CUBN: variants seen among roughly 807,000 people sequenced by gnomAD.
CUBN encodes cubilin, also known as 460 kDa receptor.
A neutral mutation model predicts 405.3 loss-of-function variants in CUBN; 282 were observed. The ratio of observed to expected loss-of-function variants is 0.70; its 90% CI spans 0.63 to 0.77. The LOEUF is 0.77. Ranked by LOEUF, CUBN falls within the 30% of genes least tolerant of loss-of-function variation. CUBN has a pLI of 0.00. For synonymous variants in CUBN, 1,684 were observed against 1,617.0 expected (o/e 1.04, Z -0.99); for missense variants, 4,514 against 4,475.2 (o/e 1.01, Z -0.25).
Position 16,969,863 on chromosome 10 carries a change from C to T in CUBN, c.4695+12621G>A, listed in dbSNP as rs138960520. On this transcript the variant is annotated intron_variant, in intron 31 of 66. Transcript: ENST00000377833. ...TTGTAACCCAGAGATCATGTGAAGC[C>T]TGGTGGCTGCCTGAGGTTGACTTCA... is the stretch of plus-strand genomic sequence containing the variant. Among the ~76,000 whole-genome samples, 641 of 152,270 alleles carry T rather than the reference C, an allele frequency of 4.2e-3. 5 individuals carry two copies. The highest frequency in any genetic ancestry group is 0.015 in the African/African-American group (611 of 41,556).
chr10:16,892,568 C>A (rs892588022), intron 54 of CUBN, among the ~76,000 whole-genome samples: 2 of 152,008 alleles, frequency 1.3e-5, no homozygotes, highest in Non-Finnish European at 2.9e-5. Flanking sequence ...CACAGCTCAC[C>A]GCAGCCTCGA....
Position 16,948,576 on chromosome 10 carries a change from G to A in CUBN, c.5111C>T (p.Pro1704Leu). ...CAGGGCGCTGCTGAAGGATGTGATA[G>A]GATGGGGCATGTCGGTGCCACAGTA... ...GRYCGTDMPH[P>L]ITSFSSALTL... is the part of the protein sequence containing the mutation. Residue 1704 changes from proline (P) to leucine (L), a missense_variant, in exon 35 of 67, where the codon CCT (proline) becomes CTT (leucine). Around this residue, in one of 5 missense-constraint regions of CUBN, gnomAD observed 1,613 missense variants for 1,542.8 expected, o/e 1.05. Coordinates refer to ENST00000377833, the MANE Select transcript of CUBN (RefSeq NM_001081.4). 6.2e-7 allele frequency: 1 copy of A among 1,614,024 alleles called. No individual in the cohort carries two copies. The highest frequency in any genetic ancestry group is 1.1e-5 in the South Asian group (1 of 91,056).
intron 60 of CUBN, among the ~76,000 whole-genome samples, chr10:16,845,368 T>C (rs1281602206): frequency 6.6e-6 from 1 of 152,234 alleles, no homozygotes; most frequent in Non-Finnish European, 1.5e-5. Flanking sequence ...AATCTTAGAG[T>C]ATCTTCATGA....
intron 60 of CUBN, among the ~76,000 whole-genome samples, chr10:16,850,043 G>A (rs530671287): frequency 2.6e-5 from 4 of 152,234 alleles, no homozygotes; most frequent in South Asian, 2.1e-4. Context: ...GAACATGCAC[G>A]TATCAATTCC....
At chr10:17,101,046 A>C (rs1044518545) in intron 13 of CUBN, among the ~76,000 whole-genome samples, 1 of 152,238 alleles carries the variant, frequency 6.6e-6, no homozygotes, top group African/African-American at 2.4e-5. Context: ...TTTAATTTTC[A>C]TCAGAACCTA....
intron 36 of CUBN, among the ~76,000 whole-genome samples, chr10:16,942,413 GA>G (rs1354850567): frequency 6.6e-6 from 1 of 151,934 alleles, no homozygotes; most frequent in African/African-American, 2.4e-5. Flanking sequence ...AATTAAAATG[GA>G]AAACAAACCG....
In CUBN at chr10:17,071,968, G is replaced by C. The variant is rs776704427; in HGVS notation, c.2305C>G (p.Arg769Gly). Residue 769 changes from arginine (R) to glycine (G), a missense_variant, in exon 18 of 67, where the codon CGA becomes GGA. Arg to Gly is a moderately radical substitution (Grantham distance 125, BLOSUM62 -2). This residue lies in a region of CUBN where 1,448 missense variants were observed against 1,388.0 expected (regional missense o/e 1.04). Transcript: ENST00000377833. The part of the protein sequence containing the change: ...SDSSQNYIEV[R>G]DGETLLGKVC... ...TTTCCAAGTAAGGTTTCACCATCTCGAACCTAAAGAGAAAAATAAAATAGA... is the reference window on the plus strand; with the variant it reads ...TTTCCAAGTAAGGTTTCACCATCTCCAACCTAAAGAGAAAAATAAAATAGA... 2 of 1,609,942 alleles carry C rather than the reference G, an allele frequency of 1.2e-6. No homozygotes were observed. The highest frequency in any genetic ancestry group is 8.5e-7 in the Non-Finnish European group (1 of 1,177,826).
chr10:17,032,567 G>A (rs141933014), intron 27 of CUBN, among the ~76,000 whole-genome samples: 11 of 152,248 alleles, frequency 7.2e-5, no homozygotes, highest in Non-Finnish European at 1.5e-4. Flanking sequence ...ATCTATCAAA[G>A]TATTGGTAGT....
chr10:17,117,285 G>C (rs1024804779), intron 6 of CUBN, among the ~76,000 whole-genome samples: 4 of 152,126 alleles, frequency 2.6e-5, no homozygotes, highest in Admixed American at 2.6e-4. Flanking sequence ...ACACATATTT[G>C]AGCATTTGAT....
chr10:17,056,795 T>TG (rs1241208032), intron 22 of CUBN, among the ~76,000 whole-genome samples: 2 of 152,126 alleles, frequency 1.3e-5, no homozygotes, highest in African/African-American at 4.8e-5. Context: ...AGAAAATACT[T>TG]GCAATACATT....
At chr10:17,112,899 C>T (rs551532948) in intron 8 of CUBN, among the ~76,000 whole-genome samples, 1 of 152,266 alleles carries the variant, frequency 6.6e-6, no homozygotes, top group South Asian at 2.1e-4. Flanking sequence ...CTTATTTTTA[C>T]CATGTCTTGA....
At chr10:16,869,568 C>CGGGGGGGGGGGG (rs1840289717) in intron 59 of CUBN, 68 bp downstream of exon 59, 1 of 933,980 alleles carries the variant, frequency 1.1e-6, no homozygotes. Flanking sequence ...GGGGGGGGGG[C>CGGGGGGGGGGGG]GGGGAAATTA....
At chr10:16,967,362 A>G (rs1201289879) in intron 31 of CUBN, among the ~76,000 whole-genome samples, 1 of 152,212 alleles carries the variant, frequency 6.6e-6, no homozygotes, top group South Asian at 2.1e-4. Context: ...GAAGAAATCT[A>G]AGATGCTCGT....
Position 17,043,854 on chromosome 10 carries a change from G to A in CUBN, c.3802C>T (p.Arg1268Cys), listed in dbSNP as rs747558831. 38 of 1,613,320 alleles carry A rather than the reference G, an allele frequency of 2.4e-5. No homozygotes were observed. Among genetic ancestry groups the A allele is most frequent in the African/African-American group, 1.5e-4 (11 of 74,830 alleles). The stretch of plus-strand genomic sequence containing the variant: ...TGCCGGTATTCAGCCTTGAAGCCAC[G>A]TCCTTGCTGACCTTCATCTGTCCTC... ...KLRTDEGQQG[R>C]GFKAEYRQTC... The change falls in exon 26 of 67, where the codon CGT (arginine) becomes TGT (cysteine). Residue 1268 changes from arginine to cysteine, a missense_variant. Arg to Cys is a radical substitution (Grantham distance 180). Transcript: ENST00000377833.
In CUBN at chr10:17,084,376, C is replaced by A. The variant is rs777181299; in HGVS notation, c.2196G>T (p.Arg732Ser). ...GCTGCTTCATCATATAGACGCATTG[C>A]CTGGTGTGAGTGAAAGGCCCAGACA... ...PELSGPFTHT[R>S]QCVYMMKQPQ... Residue 732 changes from arginine to serine, a missense_variant, in exon 17 of 67, where the codon AGG becomes AGT. By Grantham distance (110) the Arg-to-Ser change is moderately radical. Transcript: ENST00000377833. The A allele has an allele frequency of 5.0e-6, 8 of 1,613,990 alleles. No individual in the cohort carries two copies. The Admixed American group carries it at 5.0e-5, about 10-fold the overall frequency.
At chr10:16,852,404 C>A (rs1159800628) in intron 59 of CUBN, among the ~76,000 whole-genome samples, 1 of 141,464 alleles carries the variant, frequency 7.1e-6, no homozygotes, top group East Asian at 2.3e-4. Context: ...TCCCTCCCTC[C>A]ATCTTTCCCT....
rs1833359416 is a variant in CUBN at position 16,984,290 on chromosome 10, A to C, written c.4351-11T>G. Reference sequence around the variant, plus strand: ...GGGGCCTCCATAGATCTAACATGGGATGTAGGAAAAAAGACTTTAAAAAAT... The same window carrying C: ...GGGGCCTCCATAGATCTAACATGGGCTGTAGGAAAAAAGACTTTAAAAAAT... On this transcript the variant is annotated splice_polypyrimidine_tract_variant and intron_variant, in intron 29 of 66. Coordinates refer to ENST00000377833, the MANE Select transcript of CUBN (RefSeq NM_001081.4). 1.2e-6 allele frequency: 2 copies of C among 1,613,176 alleles called. No homozygotes were observed. The highest frequency in any genetic ancestry group is 2.2e-5 in the South Asian group (2 of 91,076).
At chr10:16,864,835 A>C (rs543944072) in intron 59 of CUBN, among the ~76,000 whole-genome samples, 1 of 149,100 alleles carries the variant, frequency 6.7e-6, no homozygotes, top group African/African-American at 2.5e-5. Flanking sequence ...TTTTTAGTAG[A>C]GACAGGGTTT....
chr10:16,946,669 T>C (rs1051237988), intron 36 of CUBN, among the ~76,000 whole-genome samples: 87 of 152,022 alleles, frequency 5.7e-4, no homozygotes, highest in African/African-American at 2.1e-3. Context: ...CTAATTTTTG[T>C]ATTTTTAGTA....
Sources: allele counts gnomAD v4.1 joint callset (sites outside exome capture counted in the v4.1 genomes callset), GRCh38; gene constraint gnomAD v4.1.1; regional missense constraint gnomAD v4.1.1; transcripts MANE v1.5; gene names NCBI Gene and HGNC (gene_info 2026-07-23, HGNC 2026-07-21).